STK24: variants seen among roughly 807,000 people sequenced by gnomAD.
STK24 encodes serine/threonine-protein kinase 24.
A neutral mutation model predicts 55.6 loss-of-function variants in STK24; 21 were observed. That is an observed-to-expected ratio of 0.38 (90% CI 0.27 to 0.54). The LOEUF (loss-of-function observed/expected upper bound fraction) is 0.54. STK24 is among the 20% of genes least tolerant of loss of function. The probability of loss-of-function intolerance (pLI) is 0.79; values close to 1 mark genes in which losing one functional copy is unlikely to be tolerated. For synonymous variants in STK24, 200 were observed against 215.2 expected, an observed-to-expected ratio of 0.93 and a Z score of 0.62; for missense variants, 383 against 538.4, an observed-to-expected ratio of 0.71 and a Z score of 2.86.
intron 1 of STK24, among the ~76,000 whole-genome samples, chr13:98,575,212 T>C (rs534052611): frequency 1.3e-5 from 2 of 152,284 alleles, no homozygotes; most frequent in Admixed American, 6.5e-5. Flanking sequence ...ATCTGATTGT[T>C]ACCCAGCAGT....
Position 98,446,534 on chromosome 13 carries a change from G to A in STK24, c.*6639C>T. On this transcript the variant is annotated 3_prime_UTR_variant, in exon 11 of 11. Coordinates refer to ENST00000539966, the MANE Select transcript of STK24 (RefSeq NM_001032296.4). ...GTACAGGCAAACACTGGCTGCCATG[G>A]TCCCTTCCAGGCCCACGCCCGAGGA... The A allele has an allele frequency of 1.1e-6, 1 of 892,024 alleles. No individual in the cohort carries two copies. Among genetic ancestry groups the A allele is most frequent in the Non-Finnish European group, 1.8e-6 (1 of 569,036 alleles). 55.3% of individuals were successfully genotyped at this position (892,024 alleles called of 1,614,324 possible). A position where few individuals can be genotyped will look rare whatever the true frequency, so the allele number is the denominator to read the frequency against.
intron 6 of STK24, among the ~76,000 whole-genome samples, chr13:98,465,806 A>T (rs1211171797): frequency 2.6e-5 from 4 of 152,238 alleles, no homozygotes; most frequent in Non-Finnish European, 5.9e-5. Context: ...CTACTTTCAA[A>T]GAAATGTCCT....
At chr13:98,567,479 G>A (rs1465093740) in intron 1 of STK24, among the ~76,000 whole-genome samples, 11 of 152,286 alleles carry the variant, frequency 7.2e-5, no homozygotes, top group South Asian at 4.1e-4. Context: ...TGAGGCTCCC[G>A]GACATCGTTC....
At chr13:98,476,503 A>G (rs1242966793) in intron 3 of STK24, among the ~76,000 whole-genome samples, 1 of 152,222 alleles carries the variant, frequency 6.6e-6, no homozygotes. Context: ...ACTTAGTTTT[A>G]AAAAGATAAG....
intron 1 of STK24, among the ~76,000 whole-genome samples, chr13:98,572,138 C>G (rs1047951630): frequency 6.6e-6 from 1 of 152,210 alleles, no homozygotes; most frequent in African/African-American, 2.4e-5. Context: ...GTCACTGCAA[C>G]CTTCTTAGAG....
At chr13:98,544,788 TAC>T (rs1896988478) in intron 1 of STK24, among the ~76,000 whole-genome samples, 1 of 152,118 alleles carries the variant, frequency 6.6e-6, no homozygotes, top group African/African-American at 2.4e-5. Context: ...TCAAAGAAAT[TAC>T]AGACAATTCG....
rs1248060061 is a variant in STK24 at position 98,450,184 on chromosome 13, A to T, written c.*2989T>A. 6.6e-6 allele frequency: 1 copy of T among 152,014 alleles called. No individual in the cohort carries two copies. Among genetic ancestry groups the T allele is most frequent in the Non-Finnish European group, 1.5e-5 (1 of 68,012 alleles). The allele number at this position is 152,014 out of a possible 1,614,324, so 9.4% of individuals were successfully genotyped here. A position where few individuals can be genotyped will look rare whatever the true frequency, so the allele number is the denominator to read the frequency against. ...GTTTGAGACACACTACACATGAGAC[A>T]CACAATGATGCAGATACTCGTTTTC... On this transcript the variant is annotated 3_prime_UTR_variant, in exon 11 of 11. Coordinates refer to ENST00000539966, the MANE Select transcript of STK24 (RefSeq NM_001032296.4).
intron 1 of STK24, among the ~76,000 whole-genome samples, chr13:98,546,907 T>TTTTG (rs962685984): frequency 1.3e-5 from 2 of 152,122 alleles, no homozygotes; most frequent in African/African-American, 2.4e-5. Flanking sequence ...TGTTGTTTTT[T>TTTTG]TTTGTTTGTT....
intron 1 of STK24, among the ~76,000 whole-genome samples, chr13:98,558,956 G>C (rs1363218525): frequency 2.1e-5 from 3 of 144,082 alleles, no homozygotes; most frequent in Non-Finnish European, 4.5e-5. Flanking sequence ...CCTGAGGTTG[G>C]GGGTTCGAGA....
chr13:98,479,700 T>A (rs1894513646), intron 3 of STK24, among the ~76,000 whole-genome samples: 1 of 152,208 alleles, frequency 6.6e-6, no homozygotes, highest in Non-Finnish European at 1.5e-5. Flanking sequence ...CCAGATGGAC[T>A]TCCAGTTCCC....
intron 1 of STK24, among the ~76,000 whole-genome samples, chr13:98,569,059 C>A (rs1334556079): frequency 1.3e-5 from 2 of 152,080 alleles, no homozygotes; most frequent in African/African-American, 4.8e-5. Context: ...GAAACGAAAA[C>A]AGCCCCACTC....
In STK24 at chr13:98,449,345, TC is replaced by T. The variant is rs570881541; in HGVS notation, c.*3827del. On this transcript the variant is annotated 3_prime_UTR_variant, in exon 11 of 11. Coordinates refer to ENST00000539966, the MANE Select transcript of STK24 (RefSeq NM_001032296.4). ...AAAACATTTCCCTTTTTATACTCAT[TC>T]CCCCCAGGCATGGGGTAGTGTCAGT... The T allele has an allele frequency of 1.1e-3, 164 of 152,066 alleles. No homozygotes were observed. Among genetic ancestry groups the T allele is most frequent in the African/African-American group, 3.9e-3 (160 of 41,464 alleles). The allele number at this position is 152,066 out of a possible 1,614,324, so 9.4% of individuals were successfully genotyped here. A position where few individuals can be genotyped will look rare whatever the true frequency, so the allele number is the denominator to read the frequency against.
intron 7 of STK24, 112 bp downstream of exon 7, chr13:98,463,579 T>C: frequency 1.7e-6 from 2 of 1,177,756 alleles, no homozygotes; most frequent in Middle Eastern, 4.0e-4. Flanking sequence ...CCAACCTGGA[T>C]TGTCTAAAAA....
intron 2 of STK24, among the ~76,000 whole-genome samples, chr13:98,502,189 ATT>A (rs1895494519): frequency 6.6e-6 from 1 of 152,056 alleles, no homozygotes; most frequent in African/African-American, 2.4e-5. Context: ...CTGCCTGGTT[ATT>A]TGTCTCTCTC....
chr13:98,568,626 G>T (rs1298346832), intron 1 of STK24, among the ~76,000 whole-genome samples: 1 of 152,158 alleles, frequency 6.6e-6, no homozygotes, highest in African/African-American at 2.4e-5. Context: ...CACCACTTTG[G>T]GAGGCCGAGG....
intron 7 of STK24, among the ~76,000 whole-genome samples, chr13:98,463,005 G>C (rs117246782): frequency 0.011 from 1,721 of 152,208 alleles, 22 homozygotes; most frequent in Non-Finnish European, 0.019. Flanking sequence ...CTTTAAACTG[G>C]AATCACCTAG....
intron 1 of STK24, among the ~76,000 whole-genome samples, chr13:98,548,845 G>C (rs867774178): frequency 6.5e-5 from 8 of 123,154 alleles, no homozygotes; most frequent in African/African-American, 2.6e-4. Flanking sequence ...CCAGGCGACA[G>C]AGTGAGACTC....
At chr13:98,524,493 C>T (rs1403047615) in intron 1 of STK24, among the ~76,000 whole-genome samples, 1 of 152,184 alleles carries the variant, frequency 6.6e-6, no homozygotes, top group Non-Finnish European at 1.5e-5. Context: ...AGACACGCAG[C>T]CTTCCTCGCT....
At chr13:98,497,317 G>A (rs1329954771) in intron 2 of STK24, among the ~76,000 whole-genome samples, 3 of 152,164 alleles carry the variant, frequency 2.0e-5, no homozygotes, top group Admixed American at 6.5e-5. Context: ...GACTAACCAC[G>A]TATGTTAGGA....
Sources: gnomAD v4.1 joint callset for allele counts (sites outside exome capture counted in the v4.1 genomes callset) on GRCh38, gnomAD v4.1.1 for gene constraint, MANE v1.5 for transcripts, NCBI Gene and HGNC (gene_info 2026-07-23, HGNC 2026-07-21) for gene names.